The following NRXN1 variants were observed in gnomAD, a reference collection of about 807,000 sequenced individuals.
The protein encoded by NRXN1 is neurexin-1.
NRXN1 carries 39 observed loss-of-function variants against 150.9 expected under a neutral mutation model. That is an observed-to-expected ratio of 0.26 (90% CI 0.20 to 0.34). The LOEUF (loss-of-function observed/expected upper bound fraction) is 0.34. Ranked by LOEUF, NRXN1 falls within the 10% of genes least tolerant of loss-of-function variation. The pLI, the probability that NRXN1 is intolerant of heterozygous loss-of-function variation, is 1.00. For missense variants in NRXN1, 1,815 were observed against 1,949.9 expected, an observed-to-expected ratio of 0.93 and a Z score of 1.30; for synonymous variants, 924 against 757.0, an observed-to-expected ratio of 1.22 and a Z score of -3.62.
chr2:51,021,007 C>T (rs1358289035), intron 2 of NRXN1, among the ~76,000 whole-genome samples: 2 of 151,818 alleles, frequency 1.3e-5, no homozygotes, highest in African/African-American at 2.4e-5. Flanking sequence ...TTAAGATTTA[C>T]GTATTCAGCA....
chr2:50,419,281 G>A lies in NRXN1; in HGVS notation c.3364+46161C>T, dbSNP rs539098126. Reference sequence around the variant, plus strand: ...TTCAGAAGAATCATATCTTTCAGAAGACATACTTGGTAATGAGTTTTGGAC... The same window carrying A: ...TTCAGAAGAATCATATCTTTCAGAAAACATACTTGGTAATGAGTTTTGGAC... On this transcript the variant is annotated intron_variant, in intron 17 of 22. Coordinates refer to ENST00000401669, the MANE Select transcript of NRXN1 (RefSeq NM_001330078.2). Among the ~76,000 whole-genome samples the A allele has an allele frequency of 2.6e-5, 4 of 152,202 alleles. No homozygotes were observed. The East Asian group carries it at 7.7e-4, about 29-fold the overall frequency.
intron 17 of NRXN1, among the ~76,000 whole-genome samples, chr2:50,404,441 A>G (rs1004947646): frequency 1.3e-5 from 2 of 151,566 alleles, no homozygotes; most frequent in Non-Finnish European, 2.9e-5. Flanking sequence ...TTTAGGAAAG[A>G]CACTCACACA....
At chr2:49,951,724 A>C (rs1358878202) in intron 21 of NRXN1, among the ~76,000 whole-genome samples, 1 of 152,078 alleles carries the variant, frequency 6.6e-6, no homozygotes, top group Non-Finnish European at 1.5e-5. Flanking sequence ...ATTATGGATT[A>C]GTCACACAGG....
intron 5 of NRXN1, among the ~76,000 whole-genome samples, chr2:50,889,044 T>G (rs945272684): frequency 6.6e-6 from 1 of 151,748 alleles, no homozygotes; most frequent in Non-Finnish European, 1.5e-5. Context: ...AAATCTAACC[T>G]TAACACAGAC....
At chr2:50,621,105 C>G in intron 7 of NRXN1, 121 bp downstream of exon 7, 1 of 788,510 alleles carries the variant, frequency 1.3e-6, no homozygotes, top group South Asian at 2.2e-5. Context: ...CAGAAGAGTA[C>G]CAACCGCAGT....
At chr2:49,980,438 T>TA (rs958133509) in intron 21 of NRXN1, among the ~76,000 whole-genome samples, 3 of 152,062 alleles carry the variant, frequency 2.0e-5, no homozygotes, top group African/African-American at 7.2e-5. Context: ...TGGGAAGCTT[T>TA]AAAAAAATAG....
chr2:50,260,313 A>G (rs2068120478), intron 17 of NRXN1, among the ~76,000 whole-genome samples: 1 of 151,910 alleles, frequency 6.6e-6, no homozygotes, highest in Admixed American at 6.6e-5. Context: ...CATTTGCTTG[A>G]TATTTCCTAG....
intron 21 of NRXN1, among the ~76,000 whole-genome samples, chr2:49,994,400 G>A (rs1287925412): frequency 6.6e-6 from 1 of 152,208 alleles, no homozygotes; most frequent in South Asian, 2.1e-4. Flanking sequence ...TTTAGTTTGG[G>A]AAAGTCCTTG....
intron 15 of NRXN1, among the ~76,000 whole-genome samples, chr2:50,475,570 T>C (rs961879160): frequency 2.6e-5 from 4 of 152,078 alleles, no homozygotes; most frequent in East Asian, 1.9e-4. Flanking sequence ...TTCCCTTGAG[T>C]TACTAAAGAG....
At chr2:50,254,188 T>C (rs1028894344) in intron 17 of NRXN1, among the ~76,000 whole-genome samples, 3 of 151,984 alleles carry the variant, frequency 2.0e-5, no homozygotes, top group African/African-American at 4.8e-5. Flanking sequence ...CTAGATTTTC[T>C]AGTTTGTTTG....
chr2:49,968,977 TTAAC>T (rs1677450294), intron 21 of NRXN1, among the ~76,000 whole-genome samples: 1 of 152,080 alleles, frequency 6.6e-6, no homozygotes. Context: ...TTAACAGATC[TTAAC>T]TAACAATGTA....
chr2:50,633,558 A>C (rs2104421839), intron 5 of NRXN1, among the ~76,000 whole-genome samples: 1 of 152,074 alleles, frequency 6.6e-6, no homozygotes, highest in South Asian at 2.1e-4. Flanking sequence ...TTGTTATTAA[A>C]ATAATGCAAA....
chr2:50,350,877 T>C (rs1025624587), intron 17 of NRXN1, among the ~76,000 whole-genome samples: 3 of 152,124 alleles, frequency 2.0e-5, no homozygotes, highest in African/African-American at 7.2e-5. Context: ...AAGAAGAAAT[T>C]GTAGCTGTAG....
At position 50,524,561 on chromosome 2, in the gene NRXN1, C is replaced by G. The variant is rs535193280; in HGVS notation, c.2374+4064G>C. Among the ~76,000 whole-genome samples, 3 of 151,406 alleles carry G rather than the reference C, an allele frequency of 2.0e-5. No homozygotes were observed. The East Asian group carries it at 5.8e-4, about 29-fold the overall frequency. The stretch of plus-strand genomic sequence containing the variant: ...AAGTGTCCCTAAGCCTTCCAGTGAA[C>G]AAGAAGGTCATTCCGTAATTATGCC... On this transcript the variant is annotated intron_variant, in intron 12 of 22. Transcript: ENST00000401669.
intron 5 of NRXN1, among the ~76,000 whole-genome samples, chr2:50,916,379 AG>A (rs1434809602): frequency 4.6e-5 from 7 of 151,402 alleles, no homozygotes; most frequent in Admixed American, 3.3e-4. Context: ...ATCTAGTTTA[AG>A]AGCTAAAGAC....
chr2:50,484,725 C>T (rs911487209), intron 15 of NRXN1, among the ~76,000 whole-genome samples: 2 of 152,048 alleles, frequency 1.3e-5, no homozygotes, highest in African/African-American at 4.8e-5. Context: ...GAAGACAGAA[C>T]CAATATATAG....
At chr2:50,461,411 A>G (rs1450240196) in intron 17 of NRXN1, among the ~76,000 whole-genome samples, 1 of 152,010 alleles carries the variant, frequency 6.6e-6, no homozygotes, top group East Asian at 1.9e-4. Flanking sequence ...ATACTAATGT[A>G]ATGTGACAAT....
intron 5 of NRXN1, among the ~76,000 whole-genome samples, chr2:50,866,493 T>C (rs1218488289): frequency 6.6e-6 from 1 of 151,952 alleles, no homozygotes. Context: ...ACAAGGTGAA[T>C]AGTTTTAAGC....
chr2:50,368,929 G>A (rs191041314), intron 17 of NRXN1, among the ~76,000 whole-genome samples: 1 of 152,030 alleles, frequency 6.6e-6, no homozygotes, highest in Admixed American at 6.6e-5. Flanking sequence ...TTTAGATAAA[G>A]AAATTATAGC....
Sources: gnomAD v4.1 joint callset for allele counts (sites outside exome capture counted in the v4.1 genomes callset) on GRCh38, gnomAD v4.1.1 for gene constraint, MANE v1.5 for transcripts, NCBI Gene and HGNC (gene_info 2026-07-23, HGNC 2026-07-21) for gene names.